The following CNTNAP5 variants were observed in gnomAD, a reference collection of about 807,000 sequenced individuals.
CNTNAP5 encodes contactin-associated protein-like 5.
CNTNAP5 carries 72 observed loss-of-function variants against 150.2 expected under a neutral mutation model. That is an observed-to-expected ratio of 0.48 (90% confidence interval 0.40 to 0.58). The LOEUF (loss-of-function observed/expected upper bound fraction) is 0.58, where lower values mean the gene tolerates loss of function less well. CNTNAP5 is among the 20% of genes least tolerant of loss of function. The probability of loss-of-function intolerance (pLI) is 0.00; values close to 1 mark genes in which losing one functional copy is unlikely to be tolerated. For synonymous variants in CNTNAP5, 672 were observed against 619.8 expected, an observed-to-expected ratio of 1.08 and a Z score of -1.25; for missense variants, 1,636 against 1,626.2, an observed-to-expected ratio of 1.01 and a Z score of -0.10.
chr2:124,742,387 G>A (rs1680513930), intron 13 of CNTNAP5, among the ~76,000 whole-genome samples: 1 of 152,120 alleles, frequency 6.6e-6, no homozygotes, highest in African/African-American at 2.4e-5. Context: ...CTCTCAGTTT[G>A]CATGTTGTCT....
chr2:124,713,506 T>G lies in CNTNAP5; in HGVS notation c.2078-33723T>G, dbSNP rs187871333. On this transcript the variant is annotated intron_variant, in intron 13 of 23. Coordinates refer to ENST00000682447, the MANE Select transcript of CNTNAP5 (RefSeq NM_001367498.1). ...GATTCTCCTGCCTCAGCCTCCCTAG[T>G]AGTTGGGATTACAAGTGCATCACCA... Among the ~76,000 whole-genome samples the G allele has an allele frequency of 1.6e-4, 24 of 151,452 alleles. 1 individual carries two copies. In the South Asian group the frequency reaches 1.9e-3, roughly 12 times the overall value.
intron 19 of CNTNAP5, among the ~76,000 whole-genome samples, chr2:124,848,014 A>G (rs1235878140): frequency 1.3e-5 from 2 of 152,198 alleles, no homozygotes; most frequent in African/African-American, 4.8e-5. Context: ...TTGACTAATA[A>G]GGATTGAATA....
intron 18 of CNTNAP5, among the ~76,000 whole-genome samples, chr2:124,794,731 C>G (rs1161664320): frequency 1.3e-5 from 2 of 152,168 alleles, no homozygotes; most frequent in African/African-American, 4.8e-5. Context: ...CTAACTTCAA[C>G]AGTTACAAAC....
chr2:124,055,439 T>C (rs1017118852), intron 1 of CNTNAP5, among the ~76,000 whole-genome samples: 9 of 152,168 alleles, frequency 5.9e-5, no homozygotes, highest in African/African-American at 2.2e-4. Context: ...TCTTCTTGGA[T>C]AGCTTTCTTC....
intron 13 of CNTNAP5, among the ~76,000 whole-genome samples, chr2:124,728,485 A>G (rs1680205863): frequency 6.6e-6 from 1 of 152,014 alleles, no homozygotes; most frequent in Non-Finnish European, 1.5e-5. Flanking sequence ...GTTCAGATTT[A>G]TTGATCATGT....
At chr2:124,781,232 G>A (rs1480299973) in intron 17 of CNTNAP5, among the ~76,000 whole-genome samples, 1 of 152,246 alleles carries the variant, frequency 6.6e-6, no homozygotes, top group Admixed American at 6.5e-5. Context: ...TTCACTCTTT[G>A]GGAGGTACAG....
chr2:124,889,078 CTTTTTTTT>C (rs761790564), intron 21 of CNTNAP5, among the ~76,000 whole-genome samples: 1 of 68,782 alleles, frequency 1.5e-5, no homozygotes, highest in Non-Finnish European at 2.9e-5. Context: ...TGAGGTCTAG[CTTTTTTTT>C]TTTTTTTTTT....
intron 19 of CNTNAP5, among the ~76,000 whole-genome samples, chr2:124,829,062 G>C (rs985695121): frequency 6.6e-6 from 1 of 152,138 alleles, no homozygotes; most frequent in African/African-American, 2.4e-5. Flanking sequence ...GTCATCTTAT[G>C]TGCAAGAAAA....
chr2:124,801,010 G>A (rs1681955171), intron 19 of CNTNAP5, among the ~76,000 whole-genome samples: 1 of 152,110 alleles, frequency 6.6e-6, no homozygotes, highest in Non-Finnish European at 1.5e-5. Context: ...GTTGTTAATA[G>A]AGTGTCCGCC....
At chr2:124,325,021 C>T (rs1573916887) in intron 3 of CNTNAP5, among the ~76,000 whole-genome samples, 2 of 152,250 alleles carry the variant, frequency 1.3e-5, no homozygotes, top group South Asian at 4.2e-4. Context: ...GAACAGGATG[C>T]TATGGCTTGA....
intron 1 of CNTNAP5, among the ~76,000 whole-genome samples, chr2:124,167,895 G>A (rs1377441207): frequency 6.6e-6 from 1 of 152,146 alleles, no homozygotes; most frequent in African/African-American, 2.4e-5. Flanking sequence ...TAAAGAAAGG[G>A]AGGGAGTACC....
chr2:124,678,725 A>C (rs1053807199), intron 13 of CNTNAP5, among the ~76,000 whole-genome samples: 1 of 151,586 alleles, frequency 6.6e-6, no homozygotes, highest in Non-Finnish European at 1.5e-5. Context: ...TCCTTCTCCA[A>C]CTCTCCTTGG....
At chr2:124,558,335 C>A (rs1002433788) in intron 10 of CNTNAP5, among the ~76,000 whole-genome samples, 1 of 152,036 alleles carries the variant, frequency 6.6e-6, no homozygotes, top group East Asian at 1.9e-4. Flanking sequence ...GTTTAAGAAC[C>A]TGGGTACTAG....
chr2:124,496,425 A>C (rs1322180509), intron 7 of CNTNAP5, among the ~76,000 whole-genome samples: 1 of 152,184 alleles, frequency 6.6e-6, no homozygotes, highest in East Asian at 1.9e-4. Flanking sequence ...CCAGCTTATA[A>C]ATGCTTGATT....
At chr2:124,536,781 G>C (rs1317011644) in intron 10 of CNTNAP5, among the ~76,000 whole-genome samples, 1 of 152,054 alleles carries the variant, frequency 6.6e-6, no homozygotes, top group East Asian at 1.9e-4. Flanking sequence ...GGGTCAAGGA[G>C]GGGTGCTCCA....
chr2:124,114,729 A>G (rs978263551), intron 1 of CNTNAP5, among the ~76,000 whole-genome samples: 2 of 151,888 alleles, frequency 1.3e-5, no homozygotes, highest in South Asian at 2.1e-4. Context: ...TCATCAATAA[A>G]TACGATATCT....
rs1439377809 is a variant in CNTNAP5, at chr2:124,812,250, T to C, written c.3217+13930T>C. On this transcript the variant is annotated intron_variant, in intron 19 of 23. Coordinates refer to ENST00000682447, the MANE Select transcript of CNTNAP5 (RefSeq NM_001367498.1). ...AAGCACATTTTATTTAAATAGTTCA[T>C]GCTAAGGCTAGTAAGAAGCTCCTCA... Among the ~76,000 whole-genome samples, 3 of 145,908 alleles carry C rather than the reference T, an allele frequency of 2.1e-5. No individual in the cohort carries two copies. In the Admixed American group the frequency reaches 2.2e-4, roughly 11 times the overall value.
At chr2:124,319,295 T>C (rs1558848767) in intron 3 of CNTNAP5, among the ~76,000 whole-genome samples, 2 of 152,192 alleles carry the variant, frequency 1.3e-5, no homozygotes, top group African/African-American at 4.8e-5. Context: ...CACATTGATA[T>C]GATAAGTGGC....
chr2:124,228,937 C>T (rs2104749993), intron 2 of CNTNAP5, among the ~76,000 whole-genome samples: 1 of 152,250 alleles, frequency 6.6e-6, no homozygotes, highest in Middle Eastern at 3.4e-3. Flanking sequence ...CACTGCTGAA[C>T]TATTTCACAC....
Sources: allele counts gnomAD v4.1 joint callset (sites outside exome capture counted in the v4.1 genomes callset), GRCh38; gene constraint gnomAD v4.1.1; transcripts MANE v1.5; gene names NCBI Gene and HGNC (gene_info 2026-07-23, HGNC 2026-07-21).